Variants in ARHGAP22 observed in about 807,000 individuals in gnomAD.
ARHGAP22 encodes Rho GTPase activating protein 22.
ARHGAP22 carries 48 observed loss-of-function variants against 59.1 expected under a neutral mutation model. The ratio of observed to expected loss-of-function variants is 0.81; its 90% confidence interval spans 0.64 to 1.03. ARHGAP22 has a LOEUF of 1.03. Among genes scored for constraint, ARHGAP22 ranks in the 50% least tolerant of loss-of-function variants. The pLI is 0.00. For synonymous variants in ARHGAP22, 445 were observed against 416.4 expected (o/e 1.07, Z -0.84); for missense variants, 1,015 against 958.7 (o/e 1.06, Z -0.78).
chr10:48,553,803 A>G lies in ARHGAP22; in HGVS notation c.322+1660T>C, dbSNP rs1186517179. On this transcript the variant is annotated intron_variant, in intron 3 of 9. Coordinates refer to ENST00000249601, the MANE Select transcript of ARHGAP22 (RefSeq NM_021226.4). ...TCTGACCCAGATAATGAACATGCACACAGGTGATGTCCCTTATCTGGCCTA... is the reference window on the plus strand; with the variant it reads ...TCTGACCCAGATAATGAACATGCACGCAGGTGATGTCCCTTATCTGGCCTA... 2.6e-5 allele frequency among the ~76,000 whole-genome samples: 4 copies of G among 152,342 alleles called. No individual in the cohort carries two copies. The East Asian group carries it at 7.7e-4, about 29-fold the overall frequency.
chr10:48,586,826 T>G (rs888505412), intron 1 of ARHGAP22, among the ~76,000 whole-genome samples: 3 of 152,324 alleles, frequency 2.0e-5, no homozygotes, highest in Middle Eastern at 3.4e-3. Flanking sequence ...ATTTAGCTGA[T>G]TGCCCACAGC....
At chr10:48,606,454 C>A (rs1201929907), upstream of ARHGAP22, among the ~76,000 whole-genome samples, 1 of 152,208 alleles carries the variant, frequency 6.6e-6, no homozygotes, top group Non-Finnish European at 1.5e-5. Context: ...TTGTTCTGGT[C>A]TTCAGCTACT....
upstream of ARHGAP22, among the ~76,000 whole-genome samples, chr10:48,606,281 A>G (rs891134958): frequency 2.6e-5 from 4 of 152,202 alleles, no homozygotes; most frequent in African/African-American, 9.6e-5. Context: ...CCACCAGGAG[A>G]TCACTGTGGC....
chr10:48,477,337 A>T (rs368118168), intron 4 of ARHGAP22, among the ~76,000 whole-genome samples: 3 of 152,212 alleles, frequency 2.0e-5, no homozygotes, highest in African/African-American at 7.2e-5. Flanking sequence ...TGTAGGTGGC[A>T]CTGTAGTGGA....
At chr10:48,436,027 G>A in the ARHGAP22 span, 1 of 152,126 alleles carries the variant, frequency 6.6e-6, no homozygotes, top group Non-Finnish European at 1.5e-5. Flanking sequence ...TCTGTCAGTT[G>A]AGCACCAGTT....
chr10:48,475,691 C>A (rs1306878349), intron 4 of ARHGAP22, among the ~76,000 whole-genome samples: 1 of 152,180 alleles, frequency 6.6e-6, no homozygotes, highest in Non-Finnish European at 1.5e-5. Flanking sequence ...TCGCCACCAC[C>A]ACTGGGCCAG....
chr10:48,635,298 C>T (rs760978157), intron 1 of ARHGAP22, among the ~76,000 whole-genome samples: 2 of 152,226 alleles, frequency 1.3e-5, no homozygotes, highest in Non-Finnish European at 2.9e-5. Flanking sequence ...TAGTTTCATA[C>T]TCCTCCAAGG....
chr10:48,553,534 GTC>G (rs1285234066), intron 3 of ARHGAP22, among the ~76,000 whole-genome samples: 1 of 152,204 alleles, frequency 6.6e-6, no homozygotes, highest in Non-Finnish European at 1.5e-5. Flanking sequence ...CTAGCTGTGT[GTC>G]TCTCTGGGGA....
In ARHGAP22 at chr10:48,498,387, C is replaced by G. The variant is rs531302194; in HGVS notation, c.323-18623G>C. ...AGGCACCTGTTGGTCCTCAGAGCCTCCAGGTGCTCCACATGATGGCCCTTC... is the reference window on the plus strand; with the variant it reads ...AGGCACCTGTTGGTCCTCAGAGCCTGCAGGTGCTCCACATGATGGCCCTTC... On this transcript the variant is annotated intron_variant, in intron 3 of 9. Coordinates refer to ENST00000249601, the MANE Select transcript of ARHGAP22 (RefSeq NM_021226.4). Among the ~76,000 whole-genome samples the G allele has an allele frequency of 2.6e-4, 39 of 152,292 alleles. No individual in the cohort carries two copies. The East Asian group carries it at 6.0e-3, about 23-fold the overall frequency.
intron 1 of ARHGAP22, among the ~76,000 whole-genome samples, chr10:48,588,546 C>G (rs997172086): frequency 3.3e-5 from 5 of 152,306 alleles, no homozygotes; most frequent in African/African-American, 1.2e-4. Flanking sequence ...GTCTCCAGAA[C>G]AGATCAGAGT....
At chr10:48,509,257 G>A (rs1050226032) in intron 3 of ARHGAP22, among the ~76,000 whole-genome samples, 1 of 152,116 alleles carries the variant, frequency 6.6e-6, no homozygotes, top group African/African-American at 2.4e-5. Flanking sequence ...TGGCCAGCGT[G>A]GGGGACCAGA....
At chr10:48,642,633 C>A (rs1216700526) in intron 1 of ARHGAP22, among the ~76,000 whole-genome samples, 3 of 152,156 alleles carry the variant, frequency 2.0e-5, no homozygotes, top group Non-Finnish European at 4.4e-5. Flanking sequence ...ACCATAAAAA[C>A]CCTAGAAGAA....
intron 2 of ARHGAP22, among the ~76,000 whole-genome samples, chr10:48,570,894 G>C (rs1274807669): frequency 6.6e-6 from 1 of 152,226 alleles, no homozygotes; most frequent in African/African-American, 2.4e-5. Flanking sequence ...ATTGAGGACT[G>C]CCAGGGGTGC....
intron 1 of ARHGAP22, among the ~76,000 whole-genome samples, chr10:48,627,000 T>C (rs74467894): frequency 0.013 from 1,936 of 152,234 alleles, 46 homozygotes; most frequent in African/African-American, 0.045. Context: ...ATTTGATTAA[T>C]CATGCCCACG....
At chr10:48,529,483 A>G (rs2054623612) in intron 3 of ARHGAP22, among the ~76,000 whole-genome samples, 4 of 152,098 alleles carry the variant, frequency 2.6e-5, no homozygotes, top group Admixed American at 2.0e-4. Flanking sequence ...CAGGGAAAGC[A>G]CCCCCTTGTA....
intron 1 of ARHGAP22, among the ~76,000 whole-genome samples, chr10:48,639,904 A>G (rs2061974332): frequency 6.6e-6 from 1 of 152,260 alleles, no homozygotes; most frequent in Admixed American, 6.5e-5. Context: ...TGGATTTAAC[A>G]GAGACTTTCA....
the ARHGAP22 span, chr10:48,430,887 G>T: frequency 2.5e-6 from 1 of 394,528 alleles, no homozygotes; most frequent in Non-Finnish European, 4.6e-6. Context: ...GGTATGATGT[G>T]CTGTAGCACA....
At chr10:48,584,107 T>G (rs933694902) in intron 1 of ARHGAP22, among the ~76,000 whole-genome samples, 3 of 152,250 alleles carry the variant, frequency 2.0e-5, no homozygotes, top group African/African-American at 7.2e-5. Flanking sequence ...GGGGCCATCT[T>G]GAACTCTGGA....
At chr10:48,520,462 TCTC>T (rs1172193318) in intron 3 of ARHGAP22, among the ~76,000 whole-genome samples, 3 of 151,830 alleles carry the variant, frequency 2.0e-5, no homozygotes, top group African/African-American at 4.8e-5. Context: ...GTGCAGATGA[TCTC>T]CTTCAAGGCA....
Sources: allele counts gnomAD v4.1 joint callset (sites outside exome capture counted in the v4.1 genomes callset), GRCh38; gene constraint gnomAD v4.1.1; transcripts MANE v1.5; gene names NCBI Gene and HGNC (gene_info 2026-07-23, HGNC 2026-07-21).